RFT1: variants seen among roughly 807,000 people sequenced by gnomAD.
RFT1 encodes RFT1 glycolipid translocator homolog, also known as man(5)GlcNAc(2)-PP-dolichol translocation protein RFT1.
Under a neutral mutation model 62.2 loss-of-function variants are expected in RFT1, and 43 were observed. The ratio of observed to expected loss-of-function variants is 0.69; its 90% CI spans 0.54 to 0.89. The LOEUF is 0.89. Ranked by LOEUF, RFT1 falls within the 40% of genes least tolerant of loss-of-function variation. The pLI, the probability that RFT1 is intolerant of heterozygous loss-of-function variation, is 0.00. For missense variants in RFT1, 605 were observed against 649.9 expected (o/e 0.93, Z 0.75); for synonymous variants, 262 against 264.6 (o/e 0.99, Z 0.10).
rs1413730911 is a variant in RFT1, at chr3:53,121,699, C to A, written c.558G>T (p.Gln186His). The change falls in exon 5 of 13, where the codon CAG becomes CAT. Residue 186 changes from glutamine to histidine, a missense_variant and splice_region_variant. Coordinates refer to ENST00000296292, the MANE Select transcript of RFT1 (RefSeq NM_052859.4). Reference protein sequence around the residue: ...HWGLYIFSLAQLFYTTVLVLC... With the variant: ...HWGLYIFSLAHLFYTTVLVLC... ...AAAAGTTAAAAGCCATGATTCTTAC[C>A]TGGGCCAAAGAGAAAATGTACAATC... The A allele has an allele frequency of 6.2e-7, 1 of 1,611,266 alleles. No homozygotes were observed. Among genetic ancestry groups the A allele is most frequent in the Admixed American group, 1.7e-5 (1 of 59,926 alleles).
chr3:53,127,224 C>T (rs886406501), intron 1 of RFT1, among the ~76,000 whole-genome samples: 2 of 151,776 alleles, frequency 1.3e-5, no homozygotes, highest in Non-Finnish European at 2.9e-5. Context: ...CGAGACCTGC[C>T]TGACTAACAT....
chr3:53,105,899 T>A, intron 8 of RFT1, 96 bp from the exon 9 acceptor site: 1 of 1,183,612 alleles, frequency 8.4e-7, no homozygotes, highest in Non-Finnish European at 1.2e-6. Flanking sequence ...CATTAAAGTT[T>A]GTTTATCTTG....
At chr3:53,112,693 A>T (rs191280786) in intron 6 of RFT1, among the ~76,000 whole-genome samples, 2 of 152,356 alleles carry the variant, frequency 1.3e-5, no homozygotes, top group Admixed American at 6.5e-5. Flanking sequence ...CAGTGAGCCA[A>T]GATGGCACCA....
chr3:53,116,303 T>C (rs1701791460), intron 6 of RFT1, among the ~76,000 whole-genome samples: 2 of 151,002 alleles, frequency 1.3e-5, no homozygotes, highest in South Asian at 2.1e-4. Context: ...TTTTTTTTTT[T>C]TTTTTTTTGA....
At chr3:53,078,862 C>A in the RFT1 span, among the ~76,000 whole-genome samples, 1 of 152,234 alleles carries the variant, frequency 6.6e-6, no homozygotes, top group African/African-American at 2.4e-5. Flanking sequence ...CATTCCACCC[C>A]AAAGAACTGC....
Position 53,105,751 on chromosome 3 carries a change from G to A in RFT1, c.879C>T (p.Phe293=), listed in dbSNP as rs776958467. The change falls in exon 9 of 13, where the codon TTC becomes TTT. Residue 293 remains phenylalanine, a synonymous_variant. Coordinates refer to ENST00000296292, the MANE Select transcript of RFT1 (RefSeq NM_052859.4). ...NLGSLVARLI[F]QPIEESFYIF... ...TATAAAAACTTTCCTCTATTGGCTG[G>A]AAAATTAATCTGGCCACAAGGGAGC... is the stretch of plus-strand genomic sequence containing the variant. 6.2e-7 allele frequency: 1 copy of A among 1,613,776 alleles called. No individual in the cohort carries two copies. Among genetic ancestry groups the A allele is most frequent in the East Asian group, 2.2e-5 (1 of 44,860 alleles).
chr3:53,124,028 A>C (rs550425138), intron 2 of RFT1, among the ~76,000 whole-genome samples, 188 bp from the exon 3 acceptor site: 1 of 152,320 alleles, frequency 6.6e-6, no homozygotes, highest in South Asian at 2.1e-4. Flanking sequence ...TTAGGAACCA[A>C]ATGAAAGACA....
chr3:53,088,362 A>G (rs147750853), downstream of RFT1: 1 of 152,242 alleles, frequency 6.6e-6, no homozygotes, highest in Admixed American at 6.5e-5. Context: ...ACAGAGAGAG[A>G]AACGTTCCAG....
chr3:53,123,809 G>A lies in RFT1; in HGVS notation c.181C>T (p.Leu61=), dbSNP rs1702034231. The change falls in exon 3 of 13, where the codon CTG becomes TTG. Residue 61 remains leucine (L), a synonymous_variant. Coordinates refer to ENST00000296292, the MANE Select transcript of RFT1 (RefSeq NM_052859.4). ...GCTCTGCGGAAGGCCTCTCTGGCCA[G>A]GAAGAGGGTGGTTGAGTAAAGCAGC... ...LTLLYSTTLF[L]AREAFRRACL... The A allele has an allele frequency of 1.2e-6, 2 of 1,614,228 alleles. No individual in the cohort carries two copies. The highest frequency in any genetic ancestry group is 1.1e-5 in the South Asian group (1 of 91,080).
chr3:53,112,665 C>T (rs978823222), intron 6 of RFT1, among the ~76,000 whole-genome samples: 1 of 152,116 alleles, frequency 6.6e-6, no homozygotes, highest in African/African-American at 2.4e-5. Context: ...ATCGTTTGAA[C>T]CTGGAAGGCA....
At chr3:53,069,081 A>G in the RFT1 span, among the ~76,000 whole-genome samples, 1 of 152,230 alleles carries the variant, frequency 6.6e-6, no homozygotes, top group African/African-American at 2.4e-5. Context: ...CTGGGACTAC[A>G]GGCATGTGCC....
At chr3:53,100,274 A>G (rs1435495957) in intron 10 of RFT1, among the ~76,000 whole-genome samples, 2 of 152,254 alleles carry the variant, frequency 1.3e-5, no homozygotes, top group Non-Finnish European at 2.9e-5. Flanking sequence ...AAAACAAAGT[A>G]ATGCAGTTCT....
chr3:53,098,759 G>A (rs576432859), intron 11 of RFT1, among the ~76,000 whole-genome samples: 180 of 118,438 alleles, frequency 1.5e-3, no homozygotes, highest in Non-Finnish European at 6.0e-4. Flanking sequence ...CAGAGACTGC[G>A]CCACTGCACT....
At chr3:53,100,354 C>G (rs1051980001) in intron 10 of RFT1, among the ~76,000 whole-genome samples, 4 of 152,206 alleles carry the variant, frequency 2.6e-5, no homozygotes, top group Admixed American at 6.5e-5. Flanking sequence ...TTGATTCCCC[C>G]CTTTTAAGAG....
the RFT1 span, among the ~76,000 whole-genome samples, chr3:53,070,991 A>C: frequency 2.2e-4 from 34 of 152,180 alleles, no homozygotes; most frequent in Non-Finnish European, 4.0e-4. Context: ...TTGGCCTCCC[A>C]AAGTGCTGGG....
the RFT1 span, among the ~76,000 whole-genome samples, chr3:53,069,613 A>G: frequency 6.6e-6 from 1 of 152,260 alleles, no homozygotes; most frequent in Admixed American, 6.5e-5. Flanking sequence ...GCAATGAGAC[A>G]AATTCCCATT....
downstream of RFT1, among the ~76,000 whole-genome samples, chr3:53,087,504 A>C (rs1700880812): frequency 6.6e-6 from 1 of 150,534 alleles, no homozygotes; most frequent in South Asian, 2.1e-4. Context: ...CTTCCTCAAC[A>C]TCAAAAGCTG....
rs1162388350 is a variant in RFT1 at position 53,121,735 on chromosome 3, C to T, written c.522G>A (p.Leu174=). 3.1e-6 allele frequency: 5 copies of T among 1,613,932 alleles called. No homozygotes were observed. The highest frequency in any genetic ancestry group is 1.1e-5 in the South Asian group (1 of 91,056). ...SVLTAFLVLW[L]PHWGLYIFSL... ...AGAAAATGTACAATCCCCAGTGAGGCAACCACAGCACGAGAAAAGCTGTCA... is the reference window on the plus strand; with the variant it reads ...AGAAAATGTACAATCCCCAGTGAGGTAACCACAGCACGAGAAAAGCTGTCA... Residue 174 remains leucine, a synonymous_variant, in exon 5 of 13, where the codon TTG becomes TTA. Coordinates refer to ENST00000296292, the MANE Select transcript of RFT1 (RefSeq NM_052859.4).
chr3:53,111,542 C>G (rs1299844841), intron 7 of RFT1, among the ~76,000 whole-genome samples: 1 of 151,930 alleles, frequency 6.6e-6, no homozygotes, highest in East Asian at 1.9e-4. Flanking sequence ...ACTATAAAAC[C>G]CTAAAGAAAT....
Sources: allele counts gnomAD v4.1 joint callset (sites outside exome capture counted in the v4.1 genomes callset), GRCh38; gene constraint gnomAD v4.1.1; transcripts MANE v1.5; gene names NCBI Gene and HGNC (gene_info 2026-07-23, HGNC 2026-07-21).